MNAT1: variants seen among roughly 807,000 people sequenced by gnomAD.
The protein encoded by MNAT1 is CDK-activating kinase assembly factor MAT1.
MNAT1 carries 43 observed loss-of-function variants against 42.0 expected under a neutral mutation model. That is an observed-to-expected ratio of 1.02 (90% CI 0.80 to 1.32). The LOEUF is 1.32. Among genes scored for constraint, MNAT1 ranks in the 40% most tolerant of loss-of-function variants. MNAT1 has a pLI of 0.00. For synonymous variants in MNAT1, 118 were observed against 120.0 expected (o/e 0.98, Z 0.11); for missense variants, 306 against 350.4 (o/e 0.87, Z 1.01).
At position 60,892,578 on chromosome 14, in the gene MNAT1, T is replaced by C. The variant is rs1053788984; in HGVS notation, c.809+12743T>C. Among the ~76,000 whole-genome samples the C allele has an allele frequency of 4.6e-5, 7 of 152,094 alleles. No individual in the cohort carries two copies. In the South Asian group the frequency reaches 1.4e-3, roughly 32 times the overall value. Reference sequence around the variant, plus strand: ...CAATTTCTATCTTTTGATTGGAGGGTTTAATTAAGCCACATTTAAAGTTAT... The same window carrying C: ...CAATTTCTATCTTTTGATTGGAGGGCTTAATTAAGCCACATTTAAAGTTAT... On this transcript the variant is annotated intron_variant, in intron 7 of 7. Transcript: ENST00000261245.
intron 1 of MNAT1, among the ~76,000 whole-genome samples, chr14:60,759,375 C>G (rs1403294726): frequency 6.6e-6 from 1 of 152,020 alleles, no homozygotes; most frequent in Non-Finnish European, 1.5e-5. Context: ...TTTTGTTTGG[C>G]CCTGGAGTGT....
rs1471159278 is a variant in MNAT1, at chr14:60,835,255, C to T, written c.687+16408C>T. 2.0e-5 allele frequency among the ~76,000 whole-genome samples: 3 copies of T among 151,968 alleles called. No individual in the cohort carries two copies. In the East Asian group the frequency reaches 5.8e-4, roughly 29 times the overall value. On this transcript the variant is annotated intron_variant, in intron 6 of 7. Transcript: ENST00000261245. ...GGGGCATTTAGCCTGTTTACATTTACGATTAACATTGTTATGTGTGAATTT... is the reference window on the plus strand; with the variant it reads ...GGGGCATTTAGCCTGTTTACATTTATGATTAACATTGTTATGTGTGAATTT...
chr14:60,784,159 C>A (rs955498704), intron 1 of MNAT1, among the ~76,000 whole-genome samples: 1 of 147,896 alleles, frequency 6.8e-6, no homozygotes, highest in Non-Finnish European at 1.5e-5. Context: ...ATTACAGATA[C>A]GTGCCACCAT....
chr14:60,907,169 CG>C (rs921547036), intron 7 of MNAT1, among the ~76,000 whole-genome samples: 27 of 152,210 alleles, frequency 1.8e-4, no homozygotes, highest in Non-Finnish European at 3.7e-4. Flanking sequence ...CAGCTGGACA[CG>C]GTGGTTCACA....
intron 6 of MNAT1, among the ~76,000 whole-genome samples, chr14:60,820,012 C>T (rs2032833445): frequency 6.6e-6 from 1 of 152,014 alleles, no homozygotes; most frequent in Non-Finnish European, 1.5e-5. Flanking sequence ...TTTTTATATA[C>T]ATAAAATTCA....
chr14:60,958,582 A>C (rs2036525979), intron 7 of MNAT1, among the ~76,000 whole-genome samples: 1 of 140,266 alleles, frequency 7.1e-6, no homozygotes, highest in East Asian at 2.1e-4. Flanking sequence ...GTTTTCTGAC[A>C]GTATTTCTTT....
At chr14:60,964,675 G>C (rs570816844) in intron 7 of MNAT1, among the ~76,000 whole-genome samples, 32 of 152,304 alleles carry the variant, frequency 2.1e-4, no homozygotes, top group African/African-American at 7.0e-4. Flanking sequence ...TTGACTTTTG[G>C]AAGTAAATTT....
At chr14:60,743,256 A>G (rs1336635504) in intron 1 of MNAT1, among the ~76,000 whole-genome samples, 1 of 151,834 alleles carries the variant, frequency 6.6e-6, no homozygotes, top group Non-Finnish European at 1.5e-5. Flanking sequence ...TTATAGTCAT[A>G]TTGATTTCCA....
At chr14:60,793,381 T>G (rs1366126712) in intron 1 of MNAT1, among the ~76,000 whole-genome samples, 1 of 151,980 alleles carries the variant, frequency 6.6e-6, no homozygotes, top group East Asian at 1.9e-4. Context: ...TATTTATTTT[T>G]GGATATAGGT....
chr14:60,813,375 C>T (rs966330753), intron 5 of MNAT1, among the ~76,000 whole-genome samples: 7 of 152,164 alleles, frequency 4.6e-5, no homozygotes, highest in African/African-American at 1.7e-4. Flanking sequence ...AGAGGGGAGT[C>T]CTTACCGTGA....
rs2032575911 is a variant in MNAT1, at chr14:60,812,234, C to G, written c.561+107C>G. 53 of 1,089,302 alleles carry G rather than the reference C, an allele frequency of 4.9e-5. No individual in the cohort carries two copies. In the South Asian group the frequency reaches 1.3e-3, roughly 26 times the overall value. 67.5% of individuals were successfully genotyped at this position (1,089,302 alleles called of 1,614,324 possible). Reference sequence around the variant, plus strand: ...AGGGCTTTTCCACAGTGTTTGTAATCTGGTTCACCTTTAGTTTTGTTGGTT... The same window carrying G: ...AGGGCTTTTCCACAGTGTTTGTAATGTGGTTCACCTTTAGTTTTGTTGGTT... On this transcript the variant is annotated intron_variant, in intron 5 of 7. Coordinates refer to ENST00000261245, the MANE Select transcript of MNAT1 (RefSeq NM_002431.4).
chr14:60,738,187 C>A (rs1446348036), intron 1 of MNAT1, among the ~76,000 whole-genome samples: 2 of 149,328 alleles, frequency 1.3e-5, no homozygotes, highest in African/African-American at 4.9e-5. Context: ...TTTTTAAAAT[C>A]TTGCATTTTA....
Position 60,832,618 on chromosome 14 carries a change from T to C in MNAT1, c.687+13771T>C, listed in dbSNP as rs569465115. On this transcript the variant is annotated intron_variant, in intron 6 of 7. Coordinates refer to ENST00000261245, the MANE Select transcript of MNAT1 (RefSeq NM_002431.4). ...GTTTGAAGTCAGGTAGCATGATGGC[T>C]CCAGCTTTGTTCTTTTTGCTTAGGA... is the stretch of plus-strand genomic sequence containing the variant. Among the ~76,000 whole-genome samples the C allele has an allele frequency of 3.6e-4, 55 of 152,316 alleles. No homozygotes were observed. The South Asian group carries it at 6.4e-3, about 18-fold the overall frequency.
intron 6 of MNAT1, among the ~76,000 whole-genome samples, chr14:60,824,083 G>A (rs1293717570): frequency 6.6e-6 from 1 of 152,094 alleles, no homozygotes; most frequent in African/African-American, 2.4e-5. Context: ...CTTGAACCAG[G>A]GCGGCAGAGG....
chr14:60,879,324 A>G (rs545891920), intron 6 of MNAT1, among the ~76,000 whole-genome samples: 2 of 152,320 alleles, frequency 1.3e-5, no homozygotes, highest in South Asian at 2.1e-4. Flanking sequence ...CTGTTCAGAC[A>G]TGTTATAACA....
chr14:60,818,922 A>T, intron 6 of MNAT1, 75 bp downstream of exon 6: 1 of 1,504,326 alleles, frequency 6.6e-7, no homozygotes, highest in East Asian at 2.3e-5. Context: ...CACGATTTCT[A>T]TAGTAAACCG....
At chr14:60,908,761 T>G (rs2035274966) in intron 7 of MNAT1, among the ~76,000 whole-genome samples, 1 of 152,252 alleles carries the variant, frequency 6.6e-6, no homozygotes, top group Non-Finnish European at 1.5e-5. Flanking sequence ...TTTGCTATTG[T>G]GAATAGTGCC....
In MNAT1 at chr14:60,964,423, C is replaced by CT. The variant is rs537528778; in HGVS notation, c.810-3799dup. ...TCTTAGACATGCTTTCAAAAACATA[C>CT]TTTTTTTGACCTTATTAAGAAAATA... On this transcript the variant is annotated intron_variant, in intron 7 of 7. Transcript: ENST00000261245. Among the ~76,000 whole-genome samples, 3 of 152,184 alleles carry CT rather than the reference C, an allele frequency of 2.0e-5. No individual in the cohort carries two copies. The South Asian group carries it at 6.2e-4, about 32-fold the overall frequency.
At chr14:60,799,796 G>A (rs1251587456) in intron 3 of MNAT1, among the ~76,000 whole-genome samples, 1 of 151,936 alleles carries the variant, frequency 6.6e-6, no homozygotes, top group African/African-American at 2.4e-5. Context: ...ACAACATGGG[G>A]CCCATAATTG....
Sources: gnomAD v4.1 joint callset for allele counts (sites outside exome capture counted in the v4.1 genomes callset) on GRCh38, gnomAD v4.1.1 for gene constraint, MANE v1.5 for transcripts, NCBI Gene and HGNC (gene_info 2026-07-23, HGNC 2026-07-21) for gene names.